CACNG3: variants seen among roughly 807,000 people sequenced by gnomAD.
CACNG3 encodes calcium voltage-gated channel auxiliary subunit gamma 3, also known as voltage-dependent calcium channel gamma-3 subunit.
A neutral mutation model predicts 28.5 loss-of-function variants in CACNG3; 3 were observed. That is an observed-to-expected ratio of 0.11 (90% confidence interval 0.05 to 0.27). The LOEUF is 0.27. CACNG3 is among the 10% of genes least tolerant of loss of function. The probability of loss-of-function intolerance (pLI) is 1.00; values close to 1 mark genes in which losing one functional copy is unlikely to be tolerated. For missense variants in CACNG3, 236 were observed against 414.4 expected (o/e 0.57, Z 3.74); for synonymous variants, 174 against 162.2 (o/e 1.07, Z -0.55).
Position 24,312,955 on chromosome 16 carries a change from G to A in CACNG3, c.212-33779G>A, listed in dbSNP as rs28536163. Among the ~76,000 whole-genome samples the A allele has an allele frequency of 9.2e-3, 1,023 of 110,838 alleles. 10 individuals carry two copies. The highest frequency in any genetic ancestry group is 0.031 in the African/African-American group (830 of 26,702). The allele number at this position is 110,838 out of a possible 152,430, so 72.7% of individuals were successfully genotyped here. ...AGAAAGAAAGAAAGAAAGAAAGAAA[G>A]AGAAAGAAAGAAAAGAAAGAAAGAA... On this transcript the variant is annotated intron_variant, in intron 1 of 3. Transcript: ENST00000005284.
chr16:24,340,034 C>G (rs2141377271), intron 1 of CACNG3, among the ~76,000 whole-genome samples: 1 of 152,218 alleles, frequency 6.6e-6, no homozygotes, highest in South Asian at 2.1e-4. Flanking sequence ...CTTTTGCAGG[C>G]CTAGGTGGGA....
intron 1 of CACNG3, among the ~76,000 whole-genome samples, chr16:24,321,035 A>G (rs891083699): frequency 1.4e-4 from 21 of 152,122 alleles, no homozygotes; most frequent in Admixed American, 1.3e-4. Flanking sequence ...ACCTGGCCTA[A>G]TTCATAAGTT....
chr16:24,346,354 C>G (rs1899867040), intron 1 of CACNG3, among the ~76,000 whole-genome samples: 1 of 152,086 alleles, frequency 6.6e-6, no homozygotes, highest in Non-Finnish European at 1.5e-5. Context: ...GGGAGGATCG[C>G]TTGTGGCCAG....
chr16:24,299,604 T>C (rs949804897), intron 1 of CACNG3, among the ~76,000 whole-genome samples: 2 of 152,216 alleles, frequency 1.3e-5, no homozygotes, highest in Admixed American at 1.3e-4. Flanking sequence ...TGTGTATATA[T>C]AGCAACCCAT....
chr16:24,318,451 C>A (rs967218715), intron 1 of CACNG3, among the ~76,000 whole-genome samples: 2 of 152,310 alleles, frequency 1.3e-5, no homozygotes, highest in East Asian at 1.9e-4. Flanking sequence ...CTTGGCCTCA[C>A]AAAGTGCTGA....
intron 1 of CACNG3, among the ~76,000 whole-genome samples, chr16:24,304,419 A>G (rs753363363): frequency 6.6e-6 from 1 of 152,104 alleles, no homozygotes; most frequent in Non-Finnish European, 1.5e-5. Flanking sequence ...ATACAACTCA[A>G]TGAAATTTCA....
intron 1 of CACNG3, among the ~76,000 whole-genome samples, chr16:24,283,298 G>A (rs930656974): frequency 2.6e-5 from 4 of 152,040 alleles, no homozygotes; most frequent in Non-Finnish European, 5.9e-5. Flanking sequence ...GGGAATGATC[G>A]ACATCTTTAG....
At chr16:24,323,729 A>G (rs982759364) in intron 1 of CACNG3, among the ~76,000 whole-genome samples, 1 of 152,222 alleles carries the variant, frequency 6.6e-6, no homozygotes, top group African/African-American at 2.4e-5. Context: ...AGGGAAGAAG[A>G]ATAAAACTTA....
chr16:24,269,994 G>A (rs973483912), intron 1 of CACNG3, among the ~76,000 whole-genome samples: 4 of 151,954 alleles, frequency 2.6e-5, no homozygotes, highest in African/African-American at 9.7e-5. Flanking sequence ...TGGACATATT[G>A]TGCACAAATC....
chr16:24,359,060 C>T (rs1051569746), intron 3 of CACNG3, among the ~76,000 whole-genome samples: 1 of 152,074 alleles, frequency 6.6e-6, no homozygotes, highest in Non-Finnish European at 1.5e-5. Flanking sequence ...TCCTTCCCCA[C>T]TCCCCGCCAC....
At chr16:24,282,277 A>C (rs1008109175) in intron 1 of CACNG3, among the ~76,000 whole-genome samples, 1 of 152,182 alleles carries the variant, frequency 6.6e-6, no homozygotes, top group Non-Finnish European at 1.5e-5. Context: ...TTTTCTAGTC[A>C]TGCAGTAATG....
chr16:24,360,166 G>C (rs1416358811), intron 3 of CACNG3, among the ~76,000 whole-genome samples: 2 of 152,206 alleles, frequency 1.3e-5, no homozygotes, highest in Non-Finnish European at 2.9e-5. Context: ...TGGAGGCAAA[G>C]AGATGCCAGC....
chr16:24,288,379 A>G (rs1450545297), intron 1 of CACNG3, among the ~76,000 whole-genome samples: 9 of 152,324 alleles, frequency 5.9e-5, no homozygotes, highest in Admixed American at 1.3e-4. Context: ...AAAGGTTACA[A>G]GGGCACTCAG....
chr16:24,260,109 A>G (rs1014254266), intron 1 of CACNG3, among the ~76,000 whole-genome samples: 14 of 152,220 alleles, frequency 9.2e-5, no homozygotes, highest in Non-Finnish European at 1.9e-4. Flanking sequence ...TAGGTAAGTT[A>G]TATCCTTCTC....
intron 1 of CACNG3, among the ~76,000 whole-genome samples, chr16:24,288,286 A>T (rs1898920843): frequency 6.6e-6 from 1 of 152,210 alleles, no homozygotes; most frequent in Non-Finnish European, 1.5e-5. Flanking sequence ...CTATGCTAAC[A>T]GCTTCACATG....
chr16:24,316,303 G>A (rs1181878186), intron 1 of CACNG3, among the ~76,000 whole-genome samples: 3 of 150,540 alleles, frequency 2.0e-5, no homozygotes, highest in South Asian at 2.2e-4. Flanking sequence ...CCCCATTGTC[G>A]GAGCTATGCC....
At chr16:24,340,526 T>C (rs1264212849) in intron 1 of CACNG3, among the ~76,000 whole-genome samples, 5 of 152,192 alleles carry the variant, frequency 3.3e-5, no homozygotes, top group African/African-American at 9.6e-5. Context: ...ATCCCATAAA[T>C]ATGTACGATT....
In CACNG3 at chr16:24,321,607, G is replaced by A. The variant is rs188321183; in HGVS notation, c.212-25127G>A. The stretch of plus-strand genomic sequence containing the variant: ...GTAGTTATGCTTGCCATTCCAATAC[G>A]CCAAAGAGAAGCTGTCAAGCGCTTC... On this transcript the variant is annotated intron_variant, in intron 1 of 3. Transcript: ENST00000005284. Among the ~76,000 whole-genome samples, 450 of 152,226 alleles carry A rather than the reference G, an allele frequency of 3.0e-3. 3 individuals carry two copies. Among genetic ancestry groups the A allele is most frequent in the African/African-American group, 9.6e-3 (399 of 41,536 alleles).
chr16:24,341,140 C>T (rs1899781311), intron 1 of CACNG3, among the ~76,000 whole-genome samples: 1 of 152,222 alleles, frequency 6.6e-6, no homozygotes, highest in African/African-American at 2.4e-5. Context: ...AGCACGATCC[C>T]AGTTTTGTAA....
Sources: gnomAD v4.1 joint callset for allele counts (sites outside exome capture counted in the v4.1 genomes callset) on GRCh38, gnomAD v4.1.1 for gene constraint, MANE v1.5 for transcripts, NCBI Gene and HGNC (gene_info 2026-07-23, HGNC 2026-07-21) for gene names.